Variants in SORL1 observed in about 807,000 individuals in gnomAD.
The protein encoded by SORL1 is sortilin-related receptor.
In SORL1, 127 loss-of-function variants were observed where a neutral mutation model predicts 273.7. The ratio of observed to expected loss-of-function variants is 0.46; its 90% CI spans 0.40 to 0.54. The LOEUF (loss-of-function observed/expected upper bound fraction) is 0.54, where lower values mean the gene tolerates loss of function less well. Among genes scored for constraint, SORL1 ranks in the 20% least tolerant of loss-of-function variants. The probability of loss-of-function intolerance (pLI) is 0.00; values close to 1 mark genes in which losing one functional copy is unlikely to be tolerated. For missense variants in SORL1, 2,494 were observed against 2,846.1 expected (o/e 0.88, Z 2.81); for synonymous variants, 1,031 against 1,067.4 (o/e 0.97, Z 0.66).
chr11:121,552,187 A>G (rs1862516987), intron 16 of SORL1, among the ~76,000 whole-genome samples: 1 of 152,210 alleles, frequency 6.6e-6, no homozygotes, highest in African/African-American at 2.4e-5. Flanking sequence ...AAAGAAAAAG[A>G]TGCTTTCACA....
At chr11:121,471,408 C>G (rs564944704) in intron 2 of SORL1, among the ~76,000 whole-genome samples, 1 of 152,322 alleles carries the variant, frequency 6.6e-6, no homozygotes, top group African/African-American at 2.4e-5. Context: ...ATGTAAGGGC[C>G]AAAGCTCGCC....
chr11:121,583,405 G>T, intron 25 of SORL1, 53 bp from the exon 26 acceptor site: 2 of 1,566,272 alleles, frequency 1.3e-6, no homozygotes, highest in Non-Finnish European at 1.7e-6. Flanking sequence ...TTGGACAGTT[G>T]GTGGGGGATG....
Position 121,545,384 on chromosome 11 carries a change from C to A in SORL1, c.2006C>A (p.Pro669Gln), listed in dbSNP as rs148329896. The A allele has an allele frequency of 2.5e-6, 4 of 1,614,006 alleles. No individual in the cohort carries two copies. Among genetic ancestry groups the A allele is most frequent in the Non-Finnish European group, 3.4e-6 (4 of 1,180,020 alleles). The change falls in exon 14 of 48, where the codon CCG (proline) becomes CAG (glutamine). Residue 669 changes from proline to glutamine, a missense_variant. Transcript: ENST00000260197. The stretch of plus-strand genomic sequence containing the variant: ...TTCAATGGAGAGGACTTTGACAGGC[C>A]GGTGGTCGTGTCCAACTGCTCCTGC... The part of the protein sequence containing the change: ...TCFNGEDFDR[P>Q]VVVSNCSCTR...
At chr11:121,614,534 C>A in intron 40 of SORL1, 1 of 222,572 alleles carries the variant, frequency 4.5e-6, no homozygotes. Context: ...ACTTTTGAGT[C>A]TTTCTCTGAC....
intron 29 of SORL1, among the ~76,000 whole-genome samples, chr11:121,589,604 T>G (rs1036921367): frequency 3.3e-5 from 5 of 152,204 alleles, no homozygotes; most frequent in Admixed American, 6.5e-5. Flanking sequence ...TTTGATCTCC[T>G]TTCCTTTCTG....
In SORL1 at chr11:121,604,225, G is replaced by C. The variant is rs753320664; in HGVS notation, c.4552G>C (p.Glu1518Gln). The C allele has an allele frequency of 3.1e-6, 5 of 1,614,148 alleles. No individual in the cohort carries two copies. The South Asian group carries it at 3.3e-5, about 11-fold the overall frequency. Reference sequence around the variant, plus strand: ...CAGCACCTTGACTTGCATGAGCAGGGAGTTCCAGTGCGAGGACGGGGAGGC... The same window carrying C: ...CAGCACCTTGACTTGCATGAGCAGGCAGTTCCAGTGCGAGGACGGGGAGGC... ...THSTLTCMSR[E>Q]FQCEDGEACI... Residue 1518 changes from glutamate (E) to glutamine (Q), a missense_variant, in exon 33 of 48, where the codon GAG (glutamate) becomes CAG (glutamine). Glu to Gln is a conservative substitution (Grantham distance 29). Coordinates refer to ENST00000260197, the MANE Select transcript of SORL1 (RefSeq NM_003105.6).
chr11:121,507,113 A>C lies in SORL1; in HGVS notation c.940-5890A>C, dbSNP rs146234251. Among the ~76,000 whole-genome samples the C allele has an allele frequency of 3.5e-3, 536 of 152,220 alleles. 2 individuals are homozygous for C. The highest frequency in any genetic ancestry group is 0.011 in the African/African-American group (465 of 41,538). On this transcript the variant is annotated intron_variant, in intron 6 of 47. Transcript: ENST00000260197. ...TTTATTGTGTCCCTGCTTTTGTGCTATTATTGTTTCATCTTTATACTCTTT... is the reference window on the plus strand; with the variant it reads ...TTTATTGTGTCCCTGCTTTTGTGCTCTTATTGTTTCATCTTTATACTCTTT...
intron 18 of SORL1, among the ~76,000 whole-genome samples, chr11:121,556,277 C>A (rs922436591): frequency 6.6e-6 from 1 of 152,162 alleles, no homozygotes; most frequent in African/African-American, 2.4e-5. Context: ...TAAATCAGTT[C>A]TGTTGGTGGT....
intron 41 of SORL1, among the ~76,000 whole-genome samples, chr11:121,616,902 CCATCAA>C (rs1466589314): frequency 2.0e-5 from 3 of 152,202 alleles, no homozygotes; most frequent in Non-Finnish European, 2.9e-5. Context: ...CATGAGACAT[CCATCAA>C]ATACATTTAG....
chr11:121,507,094 G>A (rs1861800288), intron 6 of SORL1, among the ~76,000 whole-genome samples: 1 of 152,044 alleles, frequency 6.6e-6, no homozygotes, highest in Non-Finnish European at 1.5e-5. Flanking sequence ...TAGCTTTATT[G>A]TGTCCCTGCT....
At chr11:121,622,391 C>G in intron 45 of SORL1, 123 bp downstream of exon 45, 2 of 594,688 alleles carry the variant, frequency 3.4e-6, no homozygotes, top group Non-Finnish European at 5.9e-6. Flanking sequence ...AAGAATAGGA[C>G]ATGGACATGA....
At chr11:121,523,063 C>A in intron 11 of SORL1, 74 bp downstream of exon 11, 1 of 1,005,838 alleles carries the variant, frequency 9.9e-7, no homozygotes, top group Non-Finnish European at 1.6e-6. Flanking sequence ...TGTGCCTTGG[C>A]ATTTCAGGGA....
At chr11:121,556,546 G>A (rs904577943) in intron 18 of SORL1, among the ~76,000 whole-genome samples, 1 of 152,178 alleles carries the variant, frequency 6.6e-6, no homozygotes, top group African/African-American at 2.4e-5. Flanking sequence ...TTGGCTAGGG[G>A]CTAAAAGAAT....
chr11:121,578,214 G>A (rs1041143846), intron 25 of SORL1, among the ~76,000 whole-genome samples: 5 of 152,174 alleles, frequency 3.3e-5, no homozygotes, highest in Non-Finnish European at 7.3e-5. Flanking sequence ...TTGGACTAGG[G>A]AGATAAAGAT....
intron 11 of SORL1, among the ~76,000 whole-genome samples, chr11:121,528,657 T>C (rs1185381207): frequency 1.3e-5 from 2 of 152,202 alleles, no homozygotes; most frequent in Admixed American, 6.5e-5. Context: ...GTTATTTAAT[T>C]TGCAGGTATT....
intron 8 of SORL1, among the ~76,000 whole-genome samples, chr11:121,520,090 A>G (rs1862017199): frequency 6.6e-6 from 1 of 151,818 alleles, no homozygotes; most frequent in South Asian, 2.1e-4. Flanking sequence ...ATCTCTACCA[A>G]AAAATAAAAA....
At chr11:121,614,806 C>T in intron 40 of SORL1, 65 bp from the exon 41 acceptor site, 2 of 1,350,366 alleles carry the variant, frequency 1.5e-6, no homozygotes, top group Non-Finnish European at 2.1e-6. Context: ...AGTGCATGTA[C>T]CAAGACACGT....
chr11:121,599,469 G>A (rs774827170), intron 32 of SORL1, among the ~76,000 whole-genome samples: 5 of 152,178 alleles, frequency 3.3e-5, no homozygotes, highest in African/African-American at 4.8e-5. Context: ...GCTTGAACCC[G>A]GGAGGCGGAG....
chr11:121,486,818 G>A (rs942920959), intron 3 of SORL1, among the ~76,000 whole-genome samples: 2 of 152,084 alleles, frequency 1.3e-5, no homozygotes, highest in African/African-American at 4.8e-5. Flanking sequence ...AAACTTAGCT[G>A]GTTGTGATGG....
Sources: gnomAD v4.1 joint callset for allele counts (sites outside exome capture counted in the v4.1 genomes callset) on GRCh38, gnomAD v4.1.1 for gene constraint, MANE v1.5 for transcripts, NCBI Gene and HGNC (gene_info 2026-07-23, HGNC 2026-07-21) for gene names.